Variants in OR2B11 observed in about 807,000 individuals in gnomAD.
OR2B11 encodes the protein olfactory receptor 2B11.
For missense variants in OR2B11, 422 were observed against 400.0 expected (o/e 1.05, Z -0.47); for synonymous variants, 198 against 174.5 (o/e 1.13, Z -1.06).
intron 1 of OR2B11, among the ~76,000 whole-genome samples, chr1:247,456,910 G>C (rs1664974648): frequency 1.3e-5 from 2 of 152,170 alleles, no homozygotes; most frequent in African/African-American, 4.8e-5. Context: ...TCACAAAAAT[G>C]ATTATTGATT....
In OR2B11 at chr1:247,453,736, G is replaced by A. The variant is rs1284933314; in HGVS notation, c.-1754C>T. On this transcript the variant is annotated 5_prime_UTR_variant, in exon 2 of 2. Transcript: ENST00000641149. ...GAAAGATAGAGGGGTAAATGTATGCGGCAATTTATAATAAAGACAAGTTAT... is the reference window on the plus strand; with the variant it reads ...GAAAGATAGAGGGGTAAATGTATGCAGCAATTTATAATAAAGACAAGTTAT... The A allele has an allele frequency of 6.6e-6, 1 of 152,150 alleles. No individual in the cohort carries two copies. Among genetic ancestry groups the A allele is most frequent in the African/African-American group, 2.4e-5 (1 of 41,430 alleles). The allele number at this position is 152,150 out of a possible 1,614,324, so 9.4% of individuals were successfully genotyped here. A position where few individuals can be genotyped will look rare whatever the true frequency, so the allele number is the denominator to read the frequency against.
At chr1:247,456,625 T>A (rs1664969952) in intron 1 of OR2B11, among the ~76,000 whole-genome samples, 1 of 151,760 alleles carries the variant, frequency 6.6e-6, no homozygotes, top group South Asian at 2.1e-4. Context: ...TTTTTTTTAA[T>A]TATAGTTTAA....
rs992252547 is a variant in OR2B11, at chr1:247,449,350, A to G, written c.*1679T>C. On this transcript the variant is annotated 3_prime_UTR_variant, in exon 2 of 2. Transcript: ENST00000641149. ...CCTAACTAGAAGTATTATGTAGAAG[A>G]TGCATCTTGCTTTCAGTTGATAACA... 6.6e-6 allele frequency: 1 copy of G among 152,240 alleles called. No individual in the cohort carries two copies. Among genetic ancestry groups the G allele is most frequent in the African/African-American group, 2.4e-5 (1 of 41,464 alleles). The allele number at this position is 152,240 out of a possible 1,614,324, so 9.4% of individuals were successfully genotyped here.
At chr1:247,455,766 T>A (rs552150103) in intron 1 of OR2B11, among the ~76,000 whole-genome samples, 1 of 152,336 alleles carries the variant, frequency 6.6e-6, no homozygotes, top group South Asian at 2.1e-4. Context: ...CACATCCTCC[T>A]GCTGGGAATA....
rs1664890918 is a variant in OR2B11, at chr1:247,453,435, C to G, written c.-1453G>C. The stretch of plus-strand genomic sequence containing the variant: ...CTTGTGAAACATTCAATTATCGTAT[C>G]TCCTCCCAGATTCTATCAACAATAC... On this transcript the variant is annotated 5_prime_UTR_variant, in exon 2 of 2. Transcript: ENST00000641149. 1 of 152,240 alleles carries G rather than the reference C, an allele frequency of 6.6e-6. No homozygotes were observed. The highest frequency in any genetic ancestry group is 6.5e-5 in the Admixed American group (1 of 15,290). 9.4% of individuals were successfully genotyped at this position (152,240 alleles called of 1,614,324 possible).
chr1:247,450,190 C>T lies in OR2B11; in HGVS notation c.*839G>A, dbSNP rs1047095079. 6.6e-6 allele frequency: 1 copy of T among 152,164 alleles called. No homozygotes were observed. The highest frequency in any genetic ancestry group is 1.5e-5 in the Non-Finnish European group (1 of 67,990). The allele number at this position is 152,164 out of a possible 1,614,324, so 9.4% of individuals were successfully genotyped here. A position where few individuals can be genotyped will look rare whatever the true frequency, so the allele number is the denominator to read the frequency against. On this transcript the variant is annotated 3_prime_UTR_variant, in exon 2 of 2. Transcript: ENST00000641149. ...TTTAGTAGAGATGGGGTTTCACCAT[C>T]TTGGCCAGGCTGGTCTTGAACTCCT...
chr1:247,456,202 A>C (rs1022342867), intron 1 of OR2B11, among the ~76,000 whole-genome samples: 10 of 152,202 alleles, frequency 6.6e-5, no homozygotes, highest in African/African-American at 2.4e-4. Context: ...CTATTTAAAA[A>C]TCCAATGCCG....
rs1664808677 is a variant in OR2B11 at position 247,450,169 on chromosome 1, G to C, written c.*860C>G. 6.6e-6 allele frequency: 1 copy of C among 151,972 alleles called. No homozygotes were observed. Among genetic ancestry groups the C allele is most frequent in the Non-Finnish European group, 1.5e-5 (1 of 67,998 alleles). 9.4% of individuals were successfully genotyped at this position (151,972 alleles called of 1,614,324 possible). On this transcript the variant is annotated 3_prime_UTR_variant, in exon 2 of 2. Transcript: ENST00000641149. Reference sequence around the variant, plus strand: ...TGCCCAGCTAATTTTTGTATTTTTAGTAGAGATGGGGTTTCACCATCTTGG... The same window carrying C: ...TGCCCAGCTAATTTTTGTATTTTTACTAGAGATGGGGTTTCACCATCTTGG...
In OR2B11 at chr1:247,453,009, C is replaced by T. The variant is rs1664882438; in HGVS notation, c.-1027G>A. On this transcript the variant is annotated 5_prime_UTR_variant, in exon 2 of 2. Coordinates refer to ENST00000641149, the MANE Select transcript of OR2B11 (RefSeq NM_001004492.2). ...CCTGCTGATTCGTGGGTCCTTTCGA[C>T]TGCACCATTGGCTTCTCACCTCCTA... The T allele has an allele frequency of 6.6e-6, 1 of 152,210 alleles. No individual in the cohort carries two copies. Among genetic ancestry groups the T allele is most frequent in the Non-Finnish European group, 1.5e-5 (1 of 68,050 alleles). The allele number at this position is 152,210 out of a possible 1,614,324, so 9.4% of individuals were successfully genotyped here.
chr1:247,451,706 G>T lies in OR2B11; in HGVS notation c.277C>A (p.Gln93Lys). ...PQMLVNMGSSQKTISYGGCTV... is the reference protein window; with the variant it reads ...PQMLVNMGSSKKTISYGGCTV... The stretch of plus-strand genomic sequence containing the variant: ...CAGCCTCCATAGCTGATGGTCTTCT[G>T]GGAACTGCCCATGTTGACCAGCATC... Residue 93 changes from glutamine (Q) to lysine (K), a missense_variant, in exon 2 of 2, where the codon CAG becomes AAG. Coordinates refer to ENST00000641149, the MANE Select transcript of OR2B11 (RefSeq NM_001004492.2). 6.2e-7 allele frequency: 1 copy of T among 1,614,174 alleles called. No homozygotes were observed. The highest frequency in any genetic ancestry group is 8.5e-7 in the Non-Finnish European group (1 of 1,179,996).
In OR2B11 at chr1:247,451,433, C is replaced by G. The variant is rs765870481; in HGVS notation, c.550G>C (p.Glu184Gln). The change falls in exon 2 of 2, where the codon GAG becomes CAG. Residue 184 changes from glutamate to glutamine, a missense_variant. Coordinates refer to ENST00000641149, the MANE Select transcript of OR2B11 (RefSeq NM_001004492.2). ...GRQVLNNFFCEVPAVIKLSCA... is the reference protein window; with the variant it reads ...GRQVLNNFFCQVPAVIKLSCA... The stretch of plus-strand genomic sequence containing the variant: ...GACAGCTTGATCACGGCCGGCACCT[C>G]ACAGAAAAAGTTGTTCAGCACCTGC... 2 of 1,614,136 alleles carry G rather than the reference C, an allele frequency of 1.2e-6. No individual in the cohort carries two copies. Among genetic ancestry groups the G allele is most frequent in the Non-Finnish European group, 1.7e-6 (2 of 1,180,002 alleles).
chr1:247,457,143 C>G (rs551662374), intron 1 of OR2B11, among the ~76,000 whole-genome samples: 47 of 152,052 alleles, frequency 3.1e-4, no homozygotes, highest in Non-Finnish European at 6.2e-4. Context: ...CATGCCTCCC[C>G]CTACCACCAC....
Position 247,449,274 on chromosome 1 carries a change from G to A in OR2B11, c.*1755C>T, listed in dbSNP as rs572480212. The stretch of plus-strand genomic sequence containing the variant: ...GTGGAATTTCATCTTTGATAGGATA[G>A]GAGATTGAAAATCGTGGAGGGAAAG... On this transcript the variant is annotated 3_prime_UTR_variant, in exon 2 of 2. Coordinates refer to ENST00000641149, the MANE Select transcript of OR2B11 (RefSeq NM_001004492.2). 6.9e-4 allele frequency: 105 copies of A among 152,350 alleles called. No homozygotes were observed. Among genetic ancestry groups the A allele is most frequent in the African/African-American group, 2.4e-3 (101 of 41,568 alleles). The allele number at this position is 152,350 out of a possible 1,614,324, so 9.4% of individuals were successfully genotyped here.
Position 247,454,927 on chromosome 1 carries a change from G to A in OR2B11, c.-2945C>T, listed in dbSNP as rs563700051. ...TTTAGGTGTTTCAATTACCAAAAAC[G>A]TAAGAACCCGTCGCTCAAGAGTTAC... On this transcript the variant is annotated 5_prime_UTR_variant, in exon 2 of 2. In the 5' UTR this introduces an upstream ATG that the reference lacks. Transcript: ENST00000641149. The A allele has an allele frequency of 2.1e-4, 32 of 152,252 alleles. No homozygotes were observed. Among genetic ancestry groups the A allele is most frequent in the African/African-American group, 7.2e-4 (30 of 41,530 alleles). The allele number at this position is 152,252 out of a possible 1,614,324, so 9.4% of individuals were successfully genotyped here.
rs1207381081 is a variant in OR2B11 at position 247,452,728 on chromosome 1, T to C, written c.-746A>G. 1 of 152,482 alleles carries C rather than the reference T, an allele frequency of 6.6e-6. No homozygotes were observed. The highest frequency in any genetic ancestry group is 1.5e-5 in the Non-Finnish European group (1 of 68,066). 9.4% of individuals were successfully genotyped at this position (152,482 alleles called of 1,614,324 possible). On this transcript the variant is annotated 5_prime_UTR_variant, in exon 2 of 2. It removes an upstream start codon present in the reference 5' UTR. Coordinates refer to ENST00000641149, the MANE Select transcript of OR2B11 (RefSeq NM_001004492.2). ...GTTACTTCAGCCCCTGAATAGGTCA[T>C]GGTAGTTAATGAGACCCCAGACCAT...
chr1:247,450,740 G>A lies in OR2B11; in HGVS notation c.*289C>T. The A allele has an allele frequency of 3.9e-6, 1 of 254,908 alleles. No homozygotes were observed. The highest frequency in any genetic ancestry group is 7.4e-6 in the Non-Finnish European group (1 of 135,274). 15.8% of individuals were successfully genotyped at this position (254,908 alleles called of 1,614,324 possible). ...TGGGGAGAGAATAAAAGAAATATAGGAAGAGGAAAAGAGAAAAGAATCAGG... is the reference window on the plus strand; with the variant it reads ...TGGGGAGAGAATAAAAGAAATATAGAAAGAGGAAAAGAGAAAAGAATCAGG... On this transcript the variant is annotated 3_prime_UTR_variant, in exon 2 of 2. Transcript: ENST00000641149.
Position 247,451,422 on chromosome 1 carries a change from G to C in OR2B11, c.561C>G (p.Ala187=). The C allele has an allele frequency of 6.2e-7, 1 of 1,614,128 alleles. No individual in the cohort carries two copies. The highest frequency in any genetic ancestry group is 8.5e-7 in the Non-Finnish European group (1 of 1,179,994). Reference sequence around the variant, plus strand: ...TGTCAGCACACGACAGCTTGATCACGGCCGGCACCTCACAGAAAAAGTTGT... The same window carrying C: ...TGTCAGCACACGACAGCTTGATCACCGCCGGCACCTCACAGAAAAAGTTGT... The part of the protein sequence containing the change: ...VLNNFFCEVP[A]VIKLSCADTA... Residue 187 remains alanine, a synonymous_variant, in exon 2 of 2, where the codon GCC becomes GCG. Transcript: ENST00000641149.
chr1:247,452,171 C>A lies in OR2B11; in HGVS notation c.-189G>T. 1.7e-6 allele frequency: 1 copy of A among 576,566 alleles called. No individual in the cohort carries two copies. Among genetic ancestry groups the A allele is most frequent in the Non-Finnish European group, 3.1e-6 (1 of 322,892 alleles). The allele number at this position is 576,566 out of a possible 1,614,324, so 35.7% of individuals were successfully genotyped here. On this transcript the variant is annotated 5_prime_UTR_variant, in exon 2 of 2. Coordinates refer to ENST00000641149, the MANE Select transcript of OR2B11 (RefSeq NM_001004492.2). ...GGGTCAGAACCAGGAGCCCCAGTAG[C>A]AGCCTCTGTGTCTTTGCTCTCCTTC...
At position 247,449,240 on chromosome 1, in the gene OR2B11, CTG is replaced by C; in HGVS notation, c.*1787_*1788del. On this transcript the variant is annotated 3_prime_UTR_variant, in exon 2 of 2. Transcript: ENST00000641149. Reference sequence around the variant, plus strand: ...TTTTTAAAACGTTACCTCACTCTAACTGTAATGAGTGGAATTTCATCTTTGAT... The same window carrying C: ...TTTTTAAAACGTTACCTCACTCTAACTAATGAGTGGAATTTCATCTTTGAT... 1 of 152,416 alleles carries C rather than the reference CTG, an allele frequency of 6.6e-6. No individual in the cohort carries two copies. The highest frequency in any genetic ancestry group is 1.9e-4 in the East Asian group (1 of 5,266). The allele number at this position is 152,416 out of a possible 1,614,324, so 9.4% of individuals were successfully genotyped here.
Sources: gnomAD v4.1 joint callset for allele counts (sites outside exome capture counted in the v4.1 genomes callset) on GRCh38, gnomAD v4.1.1 for gene constraint, MANE v1.5 for transcripts, NCBI Gene and HGNC (gene_info 2026-07-23, HGNC 2026-07-21) for gene names.